MED16: variants seen among roughly 807,000 people sequenced by gnomAD.
MED16 encodes mediator complex subunit 16.
MED16 carries 81 observed loss-of-function variants against 84.4 expected under a neutral mutation model. That is an observed-to-expected ratio of 0.96 (90% CI 0.80 to 1.15). The LOEUF is 1.15. MED16 is among the 50% of genes most tolerant of loss of function. The pLI, the probability that MED16 is intolerant of heterozygous loss-of-function variation, is 0.00. For missense variants in MED16, 1,585 were observed against 1,245.9 expected (o/e 1.27, Z -4.10); for synonymous variants, 897 against 552.2 (o/e 1.62, Z -8.76).
At chr19:883,749 TGCA>T (rs994850698) in intron 6 of MED16, among the ~76,000 whole-genome samples, 56 of 151,970 alleles carry the variant, frequency 3.7e-4, no homozygotes, top group African/African-American at 1.2e-3. Flanking sequence ...GCAGTGAAGG[TGCA>T]GGTCTGTGCA....
Position 877,010 on chromosome 19 carries a change from G to C in MED16, c.1524C>G (p.His508Gln). 6.2e-7 allele frequency: 1 copy of C among 1,612,012 alleles called. No individual in the cohort carries two copies. Among genetic ancestry groups the C allele is most frequent in the Non-Finnish European group, 8.5e-7 (1 of 1,179,706 alleles). The change falls in exon 9 of 16, where the codon CAC becomes CAG. Residue 508 changes from histidine to glutamine, a missense_variant. His to Gln is a conservative substitution (Grantham distance 24). Coordinates refer to ENST00000325464, the MANE Select transcript of MED16 (RefSeq NM_005481.3). ...SMVQSLVEKL[H>Q]EEYTRQTAAL... The stretch of plus-strand genomic sequence containing the variant: ...CAGCGGTCTGGCGCGTGTACTCCTC[G>C]TGCAGCTTCTCCACCAGGCTCTGTA...
chr19:871,313 G>C (rs1032884387), intron 12 of MED16, 60 bp from the exon 13 acceptor site: 2 of 1,462,074 alleles, frequency 1.4e-6, no homozygotes, highest in Admixed American at 2.1e-5. Context: ...CCGGCCACCC[G>C]GGACGTGCTG....
chr19:890,046 C>T (rs956992739), intron 3 of MED16, 91 bp downstream of exon 3: 10 of 1,014,954 alleles, frequency 9.9e-6, no homozygotes, highest in East Asian at 5.2e-5. Context: ...CTAGACCCAG[C>T]GCCGGACTCC....
chr19:882,154 TG>T (rs1282780924), intron 6 of MED16, among the ~76,000 whole-genome samples: 1 of 152,262 alleles, frequency 6.6e-6, no homozygotes, highest in East Asian at 1.9e-4. Flanking sequence ...AGCCCCTGCG[TG>T]AAGACGCAGC....
chr19:880,120 G>A lies in MED16; in HGVS notation c.1170C>T (p.Ser390=), dbSNP rs139276462. Reference sequence around the variant, plus strand: ...GTGAGAGCCGGTGCACGATGTGGACGCTGCCGTCGTGGAAGGCCAGGGCCA... The same window carrying A: ...GTGAGAGCCGGTGCACGATGTGGACACTGCCGTCGTGGAAGGCCAGGGCCA... ...LGLALAFHDG[S]VHIVHRLSLQ... is the part of the protein sequence containing the mutation. The change falls in exon 8 of 16, where the codon AGC becomes AGT. Residue 390 remains serine, a synonymous_variant. Coordinates refer to ENST00000325464, the MANE Select transcript of MED16 (RefSeq NM_005481.3). 1.4e-4 allele frequency: 227 copies of A among 1,609,696 alleles called. No homozygotes were observed. The highest frequency in any genetic ancestry group is 1.8e-4 in the Non-Finnish European group (209 of 1,179,250).
In MED16 at chr19:869,061, C is replaced by T. The variant is rs2303820; in HGVS notation, c.2316-115G>A. 1,013 of 879,834 alleles carry T rather than the reference C, an allele frequency of 1.2e-3. 16 individuals are homozygous for T. In the East Asian group the frequency reaches 0.025, roughly 22 times the overall value. 54.5% of individuals were successfully genotyped at this position (879,834 alleles called of 1,614,324 possible). On this transcript the variant is annotated intron_variant, in intron 13 of 15. Coordinates refer to ENST00000325464, the MANE Select transcript of MED16 (RefSeq NM_005481.3). ...GAATGGCCGGCCTCACACCATCTGC[C>T]AGGTGGGCCCAGATGTCTGTGAACA...
chr19:891,253 G>T, intron 1 of MED16, 104 bp from the exon 2 acceptor site: 1 of 1,180,784 alleles, frequency 8.5e-7, no homozygotes, highest in Non-Finnish European at 1.2e-6. Flanking sequence ...GTGGTAGAGG[G>T]AACAGCCGAT....
rs921446134 is a variant in MED16 at position 885,864 on chromosome 19, G to C, written c.785C>G (p.Ser262Cys). ...GTCGGTGGTGCAGCGCATGAACAGG[G>C]AGGGCAGGATCTCCGTGTCGATACG... ...KCRIDTEILP[S>C]LFMRCTTDLN... The change falls in exon 5 of 16, where the codon TCC becomes TGC. Residue 262 changes from serine to cysteine, a missense_variant. Physicochemically the swap from Ser to Cys is moderately radical, Grantham distance 112 (BLOSUM62 -1). Transcript: ENST00000325464. 15 of 1,613,704 alleles carry C rather than the reference G, an allele frequency of 9.3e-6. No individual in the cohort carries two copies. Among genetic ancestry groups the C allele is most frequent in the Non-Finnish European group, 1.2e-5 (14 of 1,179,982 alleles).
chr19:881,780 A>G, intron 6 of MED16, 66 bp from the exon 7 acceptor site: 1 of 1,556,190 alleles, frequency 6.4e-7, no homozygotes. Context: ...CAGCCGCAGG[A>G]GTCCAGCATG....
At chr19:868,577 G>C in intron 14 of MED16, 78 bp from the exon 15 acceptor site, 1 of 1,565,450 alleles carries the variant, frequency 6.4e-7, no homozygotes, top group East Asian at 2.3e-5. Context: ...TTGCTTCCAG[G>C]CAGGTCTCCC....
At chr19:885,676 G>C in intron 5 of MED16, 94 bp downstream of exon 5, 1 of 1,426,560 alleles carries the variant, frequency 7.0e-7, no homozygotes, top group African/African-American at 1.4e-5. Flanking sequence ...GGTTTAGCCC[G>C]TGGAGGCCCG....
rs746879332 is a variant in MED16, at chr19:868,637, G to C, written c.2400-138C>G. 8.8e-6 allele frequency: 11 copies of C among 1,252,150 alleles called. No individual in the cohort carries two copies. In the East Asian group the frequency reaches 2.5e-4, roughly 29 times the overall value. The allele number at this position is 1,252,150 out of a possible 1,614,324, so 77.6% of individuals were successfully genotyped here. On this transcript the variant is annotated intron_variant, in intron 14 of 15. Transcript: ENST00000325464. ...CTCCCCACGTCCCCACCTGCCACAG[G>C]GCCTCTGCCCATGCTTCTCCTCCCC...
chr19:884,892 G>T lies in MED16; in HGVS notation c.985+11C>A. The T allele has an allele frequency of 1.3e-6, 2 of 1,597,340 alleles. No individual in the cohort carries two copies. Among genetic ancestry groups the T allele is most frequent in the East Asian group, 2.3e-5 (1 of 44,416 alleles). ...CAGGCCCAGGGCCTCCGCAGCCGGC[G>T]GGAGACTCACCCACGGGGGAGATCT... is the stretch of plus-strand genomic sequence containing the variant. On this transcript the variant is annotated intron_variant, in intron 6 of 15. Transcript: ENST00000325464.
intron 1 of MED16, chr19:892,852 CA>C (rs2036665619): frequency 6.6e-6 from 1 of 150,642 alleles, no homozygotes; most frequent in Non-Finnish European, 1.5e-5. Context: ...AGGCCTCCCC[CA>C]GGTTTCCGCC....
Position 871,125 on chromosome 19 carries a change from GCAGGCGGCTAAC to G in MED16, c.2215_2226del (p.Val739_Leu742del). The G allele has an allele frequency of 6.5e-7, 1 of 1,548,508 alleles. No individual in the cohort carries two copies. Among genetic ancestry groups the G allele is most frequent in the South Asian group, 1.2e-5 (1 of 84,020 alleles). ...TGCAGACGAAGGGGCTGCTTGGGCT[GCAGGCGGCTAAC>G]CAGGCCGTCGCTGGCTGGCAGCCAG... On this transcript the variant is annotated inframe_deletion, in exon 13 of 16. Coordinates refer to ENST00000325464, the MANE Select transcript of MED16 (RefSeq NM_005481.3).
Position 880,110 on chromosome 19 carries a change from C to CGATGTG in MED16, c.1174_1179dup (p.His392_Ile393dup). 1.9e-6 allele frequency: 3 copies of CGATGTG among 1,610,288 alleles called. No individual in the cohort carries two copies. Among genetic ancestry groups the CGATGTG allele is most frequent in the Non-Finnish European group, 2.5e-6 (3 of 1,179,324 alleles). ...ATGGTCTGCAGTGAGAGCCGGTGCA[C>CGATGTG]GATGTGGACGCTGCCGTCGTGGAAG... On this transcript the variant is annotated inframe_insertion, in exon 8 of 16. Coordinates refer to ENST00000325464, the MANE Select transcript of MED16 (RefSeq NM_005481.3).
chr19:874,139 A>T (rs1051713258), intron 10 of MED16, among the ~76,000 whole-genome samples: 1 of 132,868 alleles, frequency 7.5e-6, no homozygotes, highest in Non-Finnish European at 1.7e-5. Context: ...TTTGAGACAG[A>T]GTCTCACTCT....
rs749330885 is a variant in MED16, at chr19:868,418, G to A, written c.2481C>T (p.Cys827=). The A allele has an allele frequency of 1.9e-6, 3 of 1,610,112 alleles. No homozygotes were observed. The highest frequency in any genetic ancestry group is 1.1e-5 in the South Asian group (1 of 91,050). ...KQWEQRWIKN[C]LAVEGRGPDA... ...CCCGCCACCAGAGCCCACCGCACAG[G>A]CAGTTCTTGATCCAGCGCTGCTCCC... Residue 827 remains cysteine, a splice_region_variant and synonymous_variant, in exon 15 of 16, where the codon TGC becomes TGT. Coordinates refer to ENST00000325464, the MANE Select transcript of MED16 (RefSeq NM_005481.3).
At chr19:891,281 A>G (rs1599348246) in intron 1 of MED16, 132 bp from the exon 2 acceptor site, 3 of 879,342 alleles carry the variant, frequency 3.4e-6, no homozygotes, top group Non-Finnish European at 5.1e-6. Flanking sequence ...CCCGGAGGCC[A>G]GACAGAGCCT....
Sources: allele counts gnomAD v4.1 joint callset (sites outside exome capture counted in the v4.1 genomes callset), GRCh38; gene constraint gnomAD v4.1.1; transcripts MANE v1.5; gene names NCBI Gene and HGNC (gene_info 2026-07-23, HGNC 2026-07-21).